MBNL2: variants seen among roughly 807,000 people sequenced by gnomAD.
The protein encoded by MBNL2 is muscleblind like splicing regulator 2.
In MBNL2, 17 loss-of-function variants were observed where a neutral mutation model predicts 41.9. The ratio of observed to expected loss-of-function variants is 0.41; its 90% CI spans 0.28 to 0.61. The LOEUF (loss-of-function observed/expected upper bound fraction) is 0.61. Among genes scored for constraint, MBNL2 ranks in the 20% least tolerant of loss-of-function variants. MBNL2 has a pLI of 0.35. For synonymous variants in MBNL2, 195 were observed against 182.9 expected, an observed-to-expected ratio of 1.07 and a Z score of -0.53; for missense variants, 336 against 505.6, an observed-to-expected ratio of 0.66 and a Z score of 3.22.
At chr13:97,328,673 T>C (rs1223728174) in intron 2 of MBNL2, among the ~76,000 whole-genome samples, 2 of 152,180 alleles carry the variant, frequency 1.3e-5, no homozygotes, top group Non-Finnish European at 2.9e-5. Context: ...GGAATACAAA[T>C]GGCGGGGGCC....
the MBNL2 span, among the ~76,000 whole-genome samples, chr13:97,201,988 C>T: frequency 6.6e-6 from 1 of 152,106 alleles, no homozygotes; most frequent in Non-Finnish European, 1.5e-5. Context: ...AAGATTATGA[C>T]CTTATAGTTA....
chr13:97,162,506 T>C, the MBNL2 span, among the ~76,000 whole-genome samples: 2 of 152,324 alleles, frequency 1.3e-5, no homozygotes, highest in East Asian at 1.9e-4. Context: ...TGCATACTCA[T>C]ATGTAGGTTG....
chr13:97,256,383 T>G (rs906859585), intron 1 of MBNL2, among the ~76,000 whole-genome samples: 3 of 152,092 alleles, frequency 2.0e-5, no homozygotes, highest in Non-Finnish European at 2.9e-5. Flanking sequence ...AACTACTATT[T>G]GTGAAGCTGG....
At chr13:97,380,309 C>T (rs745638788) in intron 8 of MBNL2, among the ~76,000 whole-genome samples, 14 of 152,112 alleles carry the variant, frequency 9.2e-5, no homozygotes, top group Non-Finnish European at 1.9e-4. Context: ...GCCTGGCCAA[C>T]ATGGTGAAAC....
intron 2 of MBNL2, among the ~76,000 whole-genome samples, chr13:97,290,848 T>C (rs1438379313): frequency 6.6e-6 from 1 of 152,082 alleles, no homozygotes; most frequent in Non-Finnish European, 1.5e-5. Context: ...TGATGTGTTC[T>C]CCAAGGAGTT....
the MBNL2 span, among the ~76,000 whole-genome samples, chr13:97,179,777 A>G: frequency 6.6e-6 from 1 of 152,170 alleles, no homozygotes; most frequent in African/African-American, 2.4e-5. Context: ...GATGGCCCCA[A>G]GGAGAAAAGG....
chr13:97,370,306 A>T (rs2064241021), intron 8 of MBNL2, among the ~76,000 whole-genome samples: 1 of 152,188 alleles, frequency 6.6e-6, no homozygotes, highest in Non-Finnish European at 1.5e-5. Context: ...TGAATCTTAC[A>T]CTGGAGAGAT....
chr13:97,271,305 G>A (rs1342482088), intron 1 of MBNL2, among the ~76,000 whole-genome samples: 5 of 151,592 alleles, frequency 3.3e-5, no homozygotes, highest in Non-Finnish European at 4.4e-5. Flanking sequence ...ACAGGGTTTC[G>A]CCATGTTGGC....
chr13:97,391,551 A>C lies in MBNL2; in HGVS notation c.*102A>C. On this transcript the variant is annotated 3_prime_UTR_variant, in exon 9 of 9. Transcript: ENST00000679496. Reference sequence around the variant, plus strand: ...TGGTATGCTTAGTATATTCCAACCTAAGATAGTTAACTACCTGAGACCAGC... The same window carrying C: ...TGGTATGCTTAGTATATTCCAACCTCAGATAGTTAACTACCTGAGACCAGC... The C allele has an allele frequency of 1.4e-6, 1 of 697,964 alleles. No individual in the cohort carries two copies. The highest frequency in any genetic ancestry group is 2.5e-6 in the Non-Finnish European group (1 of 393,212). The allele number at this position is 697,964 out of a possible 1,614,324, so 43.2% of individuals were successfully genotyped here. A position where few individuals can be genotyped will look rare whatever the true frequency, so the allele number is the denominator to read the frequency against.
intron 1 of MBNL2, among the ~76,000 whole-genome samples, chr13:97,232,890 T>TGTGTGC (rs1491513676): frequency 0.021 from 2,873 of 134,482 alleles, 69 homozygotes; most frequent in East Asian, 0.066. Flanking sequence ...TGTGTGTGTG[T>TGTGTGC]GCGCACGTAC....
Position 97,367,317 on chromosome 13 carries a change from C to A in MBNL2, c.1048+2146C>A, listed in dbSNP as rs115190984. Among the ~76,000 whole-genome samples, 503 of 152,284 alleles carry A rather than the reference C, an allele frequency of 3.3e-3. 1 individual carries two copies. Among genetic ancestry groups the A allele is most frequent in the African/African-American group, 0.012 (480 of 41,558 alleles). ...GCCTCCCAACTTGCAAACATGTGCTCCTAGCCACAAGGAGACAGCGTGAGG... is the reference window on the plus strand; with the variant it reads ...GCCTCCCAACTTGCAAACATGTGCTACTAGCCACAAGGAGACAGCGTGAGG... On this transcript the variant is annotated intron_variant, in intron 8 of 8. Transcript: ENST00000679496.
intron 5 of MBNL2, among the ~76,000 whole-genome samples, chr13:97,352,014 A>ACT (rs3055760): frequency 0.6 from 90,679 of 151,404 alleles, 29,930 homozygotes; most frequent in African/African-American, 0.9. Context: ...ACAGAGTGAG[A>ACT]CTGTCTCAGA....
chr13:97,390,256 C>T, intron 8 of MBNL2, among the ~76,000 whole-genome samples: 1 of 152,066 alleles, frequency 6.6e-6, no homozygotes, highest in East Asian at 1.9e-4. Context: ...AAAATTGTTG[C>T]ATATAAAGTA....
At chr13:97,350,796 T>C (rs2062377060) in intron 5 of MBNL2, among the ~76,000 whole-genome samples, 1 of 152,246 alleles carries the variant, frequency 6.6e-6, no homozygotes, top group Non-Finnish European at 1.5e-5. Context: ...CTGGAGTTAC[T>C]TACTTTTTCC....
At chr13:97,327,794 G>T (rs1448827610) in intron 2 of MBNL2, among the ~76,000 whole-genome samples, 3 of 152,068 alleles carry the variant, frequency 2.0e-5, no homozygotes, top group Non-Finnish European at 4.4e-5. Flanking sequence ...AATAGCAAAG[G>T]TTTAAAGAGA....
At chr13:97,212,549 G>A in the MBNL2 span, among the ~76,000 whole-genome samples, 4 of 152,176 alleles carry the variant, frequency 2.6e-5, no homozygotes, top group African/African-American at 9.7e-5. Flanking sequence ...AGCCAGTGAG[G>A]TGTCGCAGTA....
the MBNL2 span, among the ~76,000 whole-genome samples, chr13:97,150,524 C>T: frequency 1.3e-5 from 2 of 152,066 alleles, no homozygotes; most frequent in African/African-American, 4.8e-5. Flanking sequence ...AAAGAGTTAC[C>T]AAGTTTATAG....
chr13:97,270,737 A>G (rs1204465464), intron 1 of MBNL2, among the ~76,000 whole-genome samples: 2 of 152,094 alleles, frequency 1.3e-5, no homozygotes, highest in Non-Finnish European at 2.9e-5. Flanking sequence ...CCAATATTCT[A>G]TTACATCTAT....
At chr13:97,278,372 C>T (rs1207417782) in intron 2 of MBNL2, among the ~76,000 whole-genome samples, 1 of 151,186 alleles carries the variant, frequency 6.6e-6, no homozygotes, top group Non-Finnish European at 1.5e-5. Context: ...CCAATTTTTC[C>T]ATCTTATTAA....
Sources: gnomAD v4.1 joint callset for allele counts (sites outside exome capture counted in the v4.1 genomes callset) on GRCh38, gnomAD v4.1.1 for gene constraint, MANE v1.5 for transcripts, NCBI Gene and HGNC (gene_info 2026-07-23, HGNC 2026-07-21) for gene names.